Variants in DIP2B observed in about 807,000 individuals in gnomAD.
DIP2B encodes the protein disco-interacting protein 2 homolog B.
DIP2B carries 76 observed loss-of-function variants against 198.0 expected under a neutral mutation model. The ratio of observed to expected loss-of-function variants is 0.38; its 90% CI spans 0.32 to 0.46. The LOEUF (loss-of-function observed/expected upper bound fraction) is 0.46, where lower values mean the gene tolerates loss of function less well. Among genes scored for constraint, DIP2B ranks in the 20% least tolerant of loss-of-function variants. The pLI is 0.99. For synonymous variants in DIP2B, 701 were observed against 739.1 expected, an observed-to-expected ratio of 0.95 and a Z score of 0.84; for missense variants, 1,559 against 1,978.4, an observed-to-expected ratio of 0.79 and a Z score of 4.02.
At position 50,693,021 on chromosome 12, in the gene DIP2B, A is replaced by G; in HGVS notation, c.1719+8A>G. 6.2e-7 allele frequency: 1 copy of G among 1,609,392 alleles called. No homozygotes were observed. Among genetic ancestry groups the G allele is most frequent in the Non-Finnish European group, 8.5e-7 (1 of 1,178,820 alleles). ...TGGCACGGCATGTTTGCGGTAAGCT[A>G]CTCAGATTTAAGGCCCTTAGTGTAA... On this transcript the variant is annotated splice_region_variant and intron_variant, in intron 14 of 37. Coordinates refer to ENST00000301180, the MANE Select transcript of DIP2B (RefSeq NM_173602.3).
intron 35 of DIP2B, among the ~76,000 whole-genome samples, chr12:50,738,759 C>G (rs1050790260): frequency 6.6e-6 from 1 of 152,154 alleles, no homozygotes; most frequent in South Asian, 2.1e-4. Context: ...GGATTACAAG[C>G]GTGAGCCACC....
At chr12:50,535,458 C>T (rs141415965) in intron 1 of DIP2B, among the ~76,000 whole-genome samples, 1 of 151,442 alleles carries the variant, frequency 6.6e-6, no homozygotes, top group Admixed American at 6.6e-5. Flanking sequence ...CCTCTGCCTG[C>T]CAGGTTCAAG....
In DIP2B at chr12:50,603,663, A is replaced by AG. The variant is rs1958958100; in HGVS notation, c.101-22312dup. Among the ~76,000 whole-genome samples, 3 of 152,184 alleles carry AG rather than the reference A, an allele frequency of 2.0e-5. No homozygotes were observed. In the South Asian group the frequency reaches 6.2e-4, roughly 32 times the overall value. On this transcript the variant is annotated intron_variant, in intron 1 of 37. Transcript: ENST00000301180. ...TTTGAGCCCAGGAGGTCGAGGTTGC[A>AG]GCAAGCCATGATCATACCACTGCAC...
intron 1 of DIP2B, among the ~76,000 whole-genome samples, chr12:50,513,377 A>G (rs762089586): frequency 1.1e-4 from 16 of 152,206 alleles, no homozygotes; most frequent in Non-Finnish European, 2.4e-4. Context: ...TCATACAGAC[A>G]TCTCGCATAT....
intron 9 of DIP2B, among the ~76,000 whole-genome samples, chr12:50,682,531 A>C (rs1158713749): frequency 2.1e-5 from 3 of 144,818 alleles, no homozygotes; most frequent in African/African-American, 2.5e-5. Flanking sequence ...CGGGAGGCTG[A>C]GGCAGGAGAA....
intron 4 of DIP2B, among the ~76,000 whole-genome samples, chr12:50,667,790 A>G (rs1332532957): frequency 6.6e-6 from 1 of 152,216 alleles, no homozygotes; most frequent in East Asian, 1.9e-4. Flanking sequence ...TTCCAAATCA[A>G]AAAGAAATAC....
chr12:50,744,559 A>G, intron 37 of DIP2B, 28 bp from the exon 38 acceptor site: 2 of 1,608,480 alleles, frequency 1.2e-6, no homozygotes, highest in East Asian at 2.2e-5. Context: ...TGTAGTGACA[A>G]GTTAATGAAT....
At chr12:50,535,404 T>C (rs1253691219) in intron 1 of DIP2B, among the ~76,000 whole-genome samples, 1 of 150,562 alleles carries the variant, frequency 6.6e-6, no homozygotes. Flanking sequence ...AGTCTCGCTG[T>C]CACCCAGGCT....
chr12:50,529,044 T>C (rs551249606), intron 1 of DIP2B, among the ~76,000 whole-genome samples: 7 of 152,250 alleles, frequency 4.6e-5, no homozygotes, highest in African/African-American at 1.7e-4. Flanking sequence ...AAAACAACTT[T>C]TAGTGAGTTT....
chr12:50,718,756 C>T lies in DIP2B; in HGVS notation c.2899C>T (p.Arg967Cys). Residue 967 changes from arginine to cysteine, a missense_variant, in exon 24 of 38, where the codon CGT becomes TGT. Transcript: ENST00000301180. ...VMVGNLVAGK[R>C]IAQAAGRDLG... ...GGTTGGGAATCTGGTTGCTGGAAAA[C>T]GTATAGCACAAGCTGCTGGAAGGGA... 2 of 1,614,120 alleles carry T rather than the reference C, an allele frequency of 1.2e-6. No individual in the cohort carries two copies. The highest frequency in any genetic ancestry group is 1.7e-6 in the Non-Finnish European group (2 of 1,180,028).
intron 3 of DIP2B, among the ~76,000 whole-genome samples, chr12:50,659,803 G>A (rs1366621652): frequency 6.6e-6 from 1 of 151,992 alleles, no homozygotes; most frequent in East Asian, 1.9e-4. Context: ...TTCTTTTCTT[G>A]AAAAATAATG....
At chr12:50,558,275 T>A (rs555098987) in intron 1 of DIP2B, among the ~76,000 whole-genome samples, 4 of 152,360 alleles carry the variant, frequency 2.6e-5, no homozygotes, top group African/African-American at 9.6e-5. Flanking sequence ...GATATGACAT[T>A]GTTTTGATCA....
At chr12:50,518,033 A>C (rs1400524517) in intron 1 of DIP2B, among the ~76,000 whole-genome samples, 2 of 152,206 alleles carry the variant, frequency 1.3e-5, no homozygotes, top group Admixed American at 6.5e-5. Flanking sequence ...TGCTGAATAC[A>C]TAGCTCCTAT....
chr12:50,655,699 G>A (rs934646136), intron 3 of DIP2B, among the ~76,000 whole-genome samples: 2 of 152,170 alleles, frequency 1.3e-5, no homozygotes, highest in Non-Finnish European at 2.9e-5. Flanking sequence ...GCAATTTTTG[G>A]CTGGGTGCAG....
intron 2 of DIP2B, among the ~76,000 whole-genome samples, chr12:50,636,626 C>T (rs1938164292): frequency 6.6e-6 from 1 of 152,226 alleles, no homozygotes; most frequent in Non-Finnish European, 1.5e-5. Flanking sequence ...TTTCCATCAT[C>T]TCACAGGGTG....
Position 50,745,019 on chromosome 12 carries a change from A to G in DIP2B, c.*180A>G. On this transcript the variant is annotated 3_prime_UTR_variant, in exon 38 of 38. Coordinates refer to ENST00000301180, the MANE Select transcript of DIP2B (RefSeq NM_173602.3). ...GGAAAGGGGAATTCTGTGATGGCAA[A>G]TGAAAAAAATGTTAACATTTGGTAG... 1.3e-6 allele frequency: 1 copy of G among 759,226 alleles called. No homozygotes were observed. The highest frequency in any genetic ancestry group is 2.7e-5 in the East Asian group (1 of 36,496). The allele number at this position is 759,226 out of a possible 1,614,324, so 47.0% of individuals were successfully genotyped here. A position where few individuals can be genotyped will look rare whatever the true frequency, so the allele number is the denominator to read the frequency against.
chr12:50,551,562 C>T (rs1480852398), intron 1 of DIP2B, among the ~76,000 whole-genome samples: 1 of 152,152 alleles, frequency 6.6e-6, no homozygotes, highest in Admixed American at 6.5e-5. Context: ...TCCAACCTCA[C>T]CCTCACAGGT....
At chr12:50,598,181 A>C (rs1053620410) in intron 1 of DIP2B, among the ~76,000 whole-genome samples, 1 of 152,168 alleles carries the variant, frequency 6.6e-6, no homozygotes, top group African/African-American at 2.4e-5. Flanking sequence ...GGAAGGAGAG[A>C]CCAGGAATCC....
intron 22 of DIP2B, among the ~76,000 whole-genome samples, chr12:50,712,343 T>G (rs1032554314): frequency 1.3e-5 from 2 of 152,046 alleles, no homozygotes; most frequent in Admixed American, 6.6e-5. Flanking sequence ...ATGGCTCATG[T>G]CTGTAATCCC....
Sources: gnomAD v4.1 joint callset for allele counts (sites outside exome capture counted in the v4.1 genomes callset) on GRCh38, gnomAD v4.1.1 for gene constraint, MANE v1.5 for transcripts, NCBI Gene and HGNC (gene_info 2026-07-23, HGNC 2026-07-21) for gene names.